Variants in DCP1A observed in about 807,000 individuals in gnomAD.
DCP1A encodes the protein decapping mRNA 1A, also known as mRNA-decapping enzyme 1A.
In DCP1A, 20 loss-of-function variants were observed where a neutral mutation model predicts 58.0. The ratio of observed to expected loss-of-function variants is 0.34; its 90% CI spans 0.24 to 0.50. The LOEUF (loss-of-function observed/expected upper bound fraction) is 0.50. Among genes scored for constraint, DCP1A ranks in the 20% least tolerant of loss-of-function variants. The pLI is 0.98. For missense variants in DCP1A, 613 were observed against 712.2 expected (o/e 0.86, Z 1.59); for synonymous variants, 285 against 275.1 (o/e 1.04, Z -0.36).
chr3:53,332,390 T>C (rs2089021883), intron 3 of DCP1A, among the ~76,000 whole-genome samples: 1 of 152,248 alleles, frequency 6.6e-6, no homozygotes, highest in Non-Finnish European at 1.5e-5. Flanking sequence ...CATCCAAGTT[T>C]TAAATTTACA....
chr3:53,306,644 G>A (rs770581324), intron 5 of DCP1A, among the ~76,000 whole-genome samples: 5 of 151,736 alleles, frequency 3.3e-5, no homozygotes, highest in African/African-American at 7.3e-5. Flanking sequence ...GGTGGTGGGC[G>A]CCTGTAGTCC....
chr3:53,303,951 A>G (rs1183929588), intron 6 of DCP1A, among the ~76,000 whole-genome samples: 1 of 152,224 alleles, frequency 6.6e-6, no homozygotes, highest in African/African-American at 2.4e-5. Context: ...TTGGGTTAAG[A>G]ATAGGTAAGA....
At chr3:53,325,827 C>A (rs1708089861) in intron 3 of DCP1A, among the ~76,000 whole-genome samples, 1 of 152,204 alleles carries the variant, frequency 6.6e-6, no homozygotes, top group African/African-American at 2.4e-5. Context: ...CTAAGACTGA[C>A]TGACGTGGGA....
intron 6 of DCP1A, 57 bp downstream of exon 6, chr3:53,304,110 ATTAGAATCCT>A: frequency 8.1e-7 from 1 of 1,231,864 alleles, no homozygotes; most frequent in Non-Finnish European, 1.2e-6. Flanking sequence ...ACTTGCACTC[ATTAGAATCCT>A]TACTGAATGT....
chr3:53,307,041 A>G lies in DCP1A; in HGVS notation c.511-2751T>C, dbSNP rs1487296105. ...AACCTTCGCCTCTTGGGTTCAAGTG[A>G]TTCTCATGAACCTCAGCCTCCCTCA... On this transcript the variant is annotated intron_variant, in intron 5 of 9. Coordinates refer to ENST00000610213, the MANE Select transcript of DCP1A (RefSeq NM_018403.7). Among the ~76,000 whole-genome samples, 10 of 143,828 alleles carry G rather than the reference A, an allele frequency of 7.0e-5. No homozygotes were observed. The East Asian group carries it at 1.9e-3, about 27-fold the overall frequency. The allele number at this position is 143,828 out of a possible 152,430, so 94.4% of individuals were successfully genotyped here. A position where few individuals can be genotyped will look rare whatever the true frequency, so the allele number is the denominator to read the frequency against.
intron 3 of DCP1A, among the ~76,000 whole-genome samples, chr3:53,338,778 G>A (rs1049901549): frequency 6.7e-6 from 1 of 150,230 alleles, no homozygotes; most frequent in South Asian, 2.1e-4. Flanking sequence ...GGAGAATGGC[G>A]TGAACCTGGG....
intron 3 of DCP1A, among the ~76,000 whole-genome samples, chr3:53,335,554 T>G (rs2089098443): frequency 6.6e-6 from 1 of 152,258 alleles, no homozygotes; most frequent in Non-Finnish European, 1.5e-5. Context: ...ATTGCCTCTC[T>G]ACAAATCTGC....
At position 53,300,803 on chromosome 3, in the gene DCP1A, A is replaced by G. The variant is rs192492599; in HGVS notation, c.624+3374T>C. Among the ~76,000 whole-genome samples, 316 of 151,572 alleles carry G rather than the reference A, an allele frequency of 2.1e-3. 2 individuals carry two copies. The highest frequency in any genetic ancestry group is 7.4e-3 in the African/African-American group (306 of 41,242). On this transcript the variant is annotated intron_variant, in intron 6 of 9. Transcript: ENST00000610213. ...GCTGTGATTACAGGCGTGCACCACC[A>G]CACCCGGCTAATTTTTGTATTTTTA...
At chr3:53,302,466 C>CA (rs1707341518) in intron 6 of DCP1A, among the ~76,000 whole-genome samples, 1 of 151,834 alleles carries the variant, frequency 6.6e-6, no homozygotes, top group African/African-American at 2.4e-5. Context: ...AGCTTAAAAA[C>CA]AAAAAAACAA....
intron 4 of DCP1A, among the ~76,000 whole-genome samples, chr3:53,318,920 GT>G (rs1265665806): frequency 6.6e-6 from 1 of 152,144 alleles, no homozygotes; most frequent in Non-Finnish European, 1.5e-5. Flanking sequence ...CTAAATCAGA[GT>G]TGCTGTATAT....
chr3:53,314,050 T>C (rs529368624), intron 4 of DCP1A, among the ~76,000 whole-genome samples: 49 of 152,024 alleles, frequency 3.2e-4, no homozygotes. Flanking sequence ...AATTTTTGTT[T>C]GTTTGTTTTA....
intron 3 of DCP1A, among the ~76,000 whole-genome samples, chr3:53,328,753 G>A (rs1708179173): frequency 6.6e-6 from 1 of 152,226 alleles, no homozygotes; most frequent in South Asian, 2.1e-4. Context: ...AACTAACAGT[G>A]TCACTGAGTC....
intron 9 of DCP1A, 57 bp downstream of exon 9, chr3:53,288,008 T>A (rs986283642): frequency 3.4e-6 from 5 of 1,488,262 alleles, no homozygotes; most frequent in Admixed American, 3.7e-5. Flanking sequence ...GAGGAATTTA[T>A]AAAATTTCTT....
chr3:53,326,687 T>C (rs1452938598), intron 3 of DCP1A, among the ~76,000 whole-genome samples: 2 of 152,210 alleles, frequency 1.3e-5, no homozygotes, highest in East Asian at 1.9e-4. Flanking sequence ...TGATCTGTCA[T>C]TGTCTTCCAT....
At chr3:53,293,922 C>G (rs1267192909) in intron 6 of DCP1A, among the ~76,000 whole-genome samples, 2 of 152,122 alleles carry the variant, frequency 1.3e-5, no homozygotes, top group Non-Finnish European at 2.9e-5. Context: ...AGGGCCCCCC[C>G]ACCGGACCCC....
rs782202273 is a variant in DCP1A, at chr3:53,286,884, C to G, written c.*696G>C. The G allele has an allele frequency of 1.4e-4, 22 of 152,226 alleles. No individual in the cohort carries two copies. The highest frequency in any genetic ancestry group is 1.0e-4 in the Non-Finnish European group (7 of 68,060). The allele number at this position is 152,226 out of a possible 1,614,324, so 9.4% of individuals were successfully genotyped here. ...GCCTTTCCTTCAAAGGTATGACATG[C>G]CTGTGTCCACACCACCAGAGCCTGA... On this transcript the variant is annotated 3_prime_UTR_variant, in exon 10 of 10. Transcript: ENST00000610213.
intron 4 of DCP1A, among the ~76,000 whole-genome samples, chr3:53,317,901 G>A (rs1707858853): frequency 6.6e-6 from 1 of 152,106 alleles, no homozygotes; most frequent in Non-Finnish European, 1.5e-5. Context: ...CAAAGCAGGG[G>A]GCCGATAACT....
At chr3:53,340,855 T>C (rs2089191683) in intron 3 of DCP1A, among the ~76,000 whole-genome samples, 1 of 152,142 alleles carries the variant, frequency 6.6e-6, no homozygotes, top group South Asian at 2.1e-4. Context: ...TTAGAGATTG[T>C]AAAAATGCCT....
intron 3 of DCP1A, among the ~76,000 whole-genome samples, chr3:53,334,109 A>G (rs2089068081): frequency 6.6e-6 from 1 of 151,910 alleles, no homozygotes; most frequent in African/African-American, 2.4e-5. Flanking sequence ...AAAAAATAAA[A>G]ACGTATTAGC....
Sources: gnomAD v4.1 joint callset for allele counts (sites outside exome capture counted in the v4.1 genomes callset) on GRCh38, gnomAD v4.1.1 for gene constraint, MANE v1.5 for transcripts, NCBI Gene and HGNC (gene_info 2026-07-23, HGNC 2026-07-21) for gene names.